ADGRG1: variants seen among roughly 807,000 people sequenced by gnomAD.
The protein encoded by ADGRG1 is adhesion G protein-coupled receptor G1, also known as 7-transmembrane protein with no EGF-like N-terminal domains-1.
Under a neutral mutation model 73.5 loss-of-function variants are expected in ADGRG1, and 53 were observed. The ratio of observed to expected loss-of-function variants is 0.72; its 90% CI spans 0.58 to 0.91. The LOEUF is 0.91. Ranked by LOEUF, ADGRG1 falls within the 40% of genes least tolerant of loss-of-function variation. The pLI is 0.00. For synonymous variants in ADGRG1, 394 were observed against 374.4 expected, an observed-to-expected ratio of 1.05 and a Z score of -0.60; for missense variants, 795 against 871.8, an observed-to-expected ratio of 0.91 and a Z score of 1.11.
intron 1 of ADGRG1, among the ~76,000 whole-genome samples, chr16:57,638,811 C>T (rs1448231130): frequency 6.6e-6 from 1 of 152,138 alleles, no homozygotes; most frequent in Non-Finnish European, 1.5e-5. Flanking sequence ...GTGGCTCACA[C>T]CTGTAATCCC....
rs1391668247 is a variant in ADGRG1, at chr16:57,637,498, C to T, written c.-36+8696C>T. The stretch of plus-strand genomic sequence containing the variant: ...GGTCCCCTGAACCACAGCCCCTTGC[C>T]AGCTCCCTTTAAGCACAGGATCCTT... On this transcript the variant is annotated intron_variant, in intron 1 of 13. Transcript: ENST00000562631. 3 of 985,294 alleles carry T rather than the reference C, an allele frequency of 3.0e-6. No homozygotes were observed. In the African/African-American group the frequency reaches 5.2e-5, roughly 17 times the overall value. 61.0% of individuals were successfully genotyped at this position (985,294 alleles called of 1,614,324 possible). A position where few individuals can be genotyped will look rare whatever the true frequency, so the allele number is the denominator to read the frequency against.
intron 1 of ADGRG1, among the ~76,000 whole-genome samples, chr16:57,637,938 C>T (rs1269758616): frequency 2.0e-5 from 3 of 152,206 alleles, no homozygotes; most frequent in Non-Finnish European, 2.9e-5. Flanking sequence ...GGACCTTTTG[C>T]ACCCCTGAGC....
chr16:57,644,425 A>C (rs1049796170), intron 1 of ADGRG1, among the ~76,000 whole-genome samples: 2 of 145,622 alleles, frequency 1.4e-5, no homozygotes, highest in African/African-American at 5.2e-5. Flanking sequence ...CACACTCGTC[A>C]CACACTCCTC....
intron 1 of ADGRG1, chr16:57,646,688 T>C (rs2042735036): frequency 1.0e-6 from 1 of 985,022 alleles, no homozygotes; most frequent in South Asian, 4.7e-5. Flanking sequence ...CAATGCCAGC[T>C]CTACAAGGAG....
intron 12 of ADGRG1, chr16:57,661,138 A>G: frequency 3.4e-6 from 1 of 292,246 alleles, no homozygotes; most frequent in South Asian, 1.3e-4. Context: ...GAATGGGGGT[A>G]TGGGTTGGAG....
intron 1 of ADGRG1, chr16:57,639,809 C>T: frequency 1.2e-6 from 1 of 858,420 alleles, no homozygotes; most frequent in Non-Finnish European, 1.4e-6. Flanking sequence ...CATCCCTTCC[C>T]CTTTATCTTT....
chr16:57,646,369 G>A, intron 1 of ADGRG1: 4 of 984,812 alleles, frequency 4.1e-6, no homozygotes, highest in Non-Finnish European at 4.8e-6. Context: ...CTGGTGGTGG[G>A]GTGGGGGTCT....
At chr16:57,642,764 G>A (rs1203821944) in intron 1 of ADGRG1, 1 of 461,996 alleles carries the variant, frequency 2.2e-6, no homozygotes, top group East Asian at 1.5e-4. Flanking sequence ...AAAAGTTTGG[G>A]CTTGGAGGTT....
At chr16:57,636,333 G>C (rs1459510137) in intron 1 of ADGRG1, 7 of 985,274 alleles carry the variant, frequency 7.1e-6, no homozygotes, top group Non-Finnish European at 8.4e-6. Context: ...TGTGGCCCCA[G>C]TGGCATAGGA....
At chr16:57,632,896 C>T (rs1036140285) in intron 1 of ADGRG1, 112 of 985,298 alleles carry the variant, frequency 1.1e-4, no homozygotes, top group Non-Finnish European at 1.3e-4. Flanking sequence ...AAAAGTTCTG[C>T]GGTGAATGGC....
At chr16:57,629,244 A>G (rs889197024) in intron 1 of ADGRG1, 1 of 883,010 alleles carries the variant, frequency 1.1e-6, no homozygotes, top group Non-Finnish European at 1.4e-6. Context: ...GTGGGGGCGG[A>G]CCCACAAGGA....
At position 57,628,831 on chromosome 16, in the gene ADGRG1, G is replaced by A. The variant is rs73550510; in HGVS notation, c.-36+29G>A. The A allele has an allele frequency of 1.4e-3, 1,372 of 983,528 alleles. 21 individuals carry two copies. In the African/African-American group the frequency reaches 0.023, roughly 17 times the overall value. The allele number at this position is 983,528 out of a possible 1,614,324, so 60.9% of individuals were successfully genotyped here. On this transcript the variant is annotated intron_variant, in intron 1 of 13. Transcript: ENST00000562631. ...CCCAAACAAGGGCTGGACAGCAGGT[G>A]GGAAGGGGAATAGTGTGAGTGTGAG... is the stretch of plus-strand genomic sequence containing the variant.
rs1567667253 is a variant in ADGRG1 at position 57,628,893 on chromosome 16, AGT to A, written c.-36+97_-36+98del. The A allele has an allele frequency of 3.9e-5, 32 of 813,598 alleles. 1 individual carries two copies. The highest frequency in any genetic ancestry group is 1.6e-4 in the East Asian group (1 of 6,316). 50.4% of individuals were successfully genotyped at this position (813,598 alleles called of 1,614,324 possible). A position where few individuals can be genotyped will look rare whatever the true frequency, so the allele number is the denominator to read the frequency against. ...GTGAGCGTGAGTGTGTGAGAGTGTG[AGT>A]GTGTGAGTGTGAGTGTGTGAGAGTG... is the stretch of plus-strand genomic sequence containing the variant. On this transcript the variant is annotated intron_variant, in intron 1 of 13. Coordinates refer to ENST00000562631, the MANE Select transcript of ADGRG1 (RefSeq NM_201525.4).
chr16:57,630,069 T>G (rs1242467405), intron 1 of ADGRG1: 1 of 936,980 alleles, frequency 1.1e-6, no homozygotes, highest in African/African-American at 1.8e-5. Context: ...GAAGCATTTA[T>G]TGAGCGCTTA....
intron 1 of ADGRG1, chr16:57,631,692 C>T (rs1597109155): frequency 7.0e-6 from 6 of 858,492 alleles, no homozygotes; most frequent in Non-Finnish European, 8.3e-6. Context: ...AAATGGGGGG[C>T]GGGGCGGGCT....
At chr16:57,636,956 G>A (rs757962572) in intron 1 of ADGRG1, among the ~76,000 whole-genome samples, 5 of 152,210 alleles carry the variant, frequency 3.3e-5, no homozygotes, top group Non-Finnish European at 7.3e-5. Flanking sequence ...AGGCTTCTCA[G>A]AGGAAGGGAC....
At chr16:57,637,775 C>T in intron 1 of ADGRG1, 1 of 864,162 alleles carries the variant, frequency 1.2e-6, no homozygotes, top group Non-Finnish European at 1.4e-6. Context: ...ACCATCCCCT[C>T]AGCCCCAAGC....
rs575087220 is a variant in ADGRG1, at chr16:57,659,502, C to T, written c.1376C>T (p.Pro459Leu). 2.5e-5 allele frequency: 40 copies of T among 1,613,782 alleles called. No individual in the cohort carries two copies. The highest frequency in any genetic ancestry group is 3.3e-5 in the Admixed American group (2 of 60,012). ...GACACGAGCTTCCTGCTCAGCGAGC[C>T]GGTGGCCCTGACAGGCTCTGAGGCT... ...LLDTSFLLSE[P>L]VALTGSEAGC... The change falls in exon 11 of 14, where the codon CCG (proline) becomes CTG (leucine). Residue 459 changes from proline (P) to leucine (L), a missense_variant. Coordinates refer to ENST00000562631, the MANE Select transcript of ADGRG1 (RefSeq NM_201525.4).
At chr16:57,646,697 AG>A in intron 1 of ADGRG1, 1 of 984,784 alleles carries the variant, frequency 1.0e-6, no homozygotes, top group Non-Finnish European at 1.2e-6. Context: ...CTCTACAAGG[AG>A]GGGGAGACTT....
Sources: gnomAD v4.1 joint callset for allele counts (sites outside exome capture counted in the v4.1 genomes callset) on GRCh38, gnomAD v4.1.1 for gene constraint, MANE v1.5 for transcripts, NCBI Gene and HGNC (gene_info 2026-07-23, HGNC 2026-07-21) for gene names.